RBFOX1: variants seen among roughly 807,000 people sequenced by gnomAD.
RBFOX1 encodes RNA binding protein fox-1 homolog 1.
RBFOX1 carries 8 observed loss-of-function variants against 57.7 expected under a neutral mutation model. That is an observed-to-expected ratio of 0.14 (90% CI 0.08 to 0.25). The LOEUF (loss-of-function observed/expected upper bound fraction) is 0.25. Ranked by LOEUF, RBFOX1 falls within the 10% of genes least tolerant of loss-of-function variation. The pLI, the probability that RBFOX1 is intolerant of heterozygous loss-of-function variation, is 1.00. For synonymous variants in RBFOX1, 326 were observed against 222.4 expected (o/e 1.47, Z -4.15); for missense variants, 611 against 548.5 (o/e 1.11, Z -1.14).
At chr16:6,353,494 G>A (rs965656668) in intron 2 of RBFOX1, among the ~76,000 whole-genome samples, 6 of 152,000 alleles carry the variant, frequency 3.9e-5, no homozygotes, top group Non-Finnish European at 8.8e-5. Context: ...CCTTTTAAGT[G>A]TAGGGCATGG....
At chr16:6,980,604 G>C (rs2088502832) in intron 3 of RBFOX1, among the ~76,000 whole-genome samples, 1 of 152,154 alleles carries the variant, frequency 6.6e-6, no homozygotes, top group African/African-American at 2.4e-5. Flanking sequence ...GGAGGTGGCA[G>C]GTTTTAGCTG....
At chr16:6,407,792 A>G (rs1396459501) in intron 2 of RBFOX1, among the ~76,000 whole-genome samples, 1 of 152,164 alleles carries the variant, frequency 6.6e-6, no homozygotes, top group Non-Finnish European at 1.5e-5. Context: ...CACAAAAGAA[A>G]TAAAACACTA....
intron 3 of RBFOX1, among the ~76,000 whole-genome samples, chr16:5,759,775 A>G (rs908403061): frequency 1.9e-4 from 27 of 145,734 alleles, no homozygotes; most frequent in African/African-American, 6.6e-4. Context: ...TGATCCTGTA[A>G]CAGTATTCCT....
At chr16:6,716,628 C>T (rs1361577253) in intron 3 of RBFOX1, among the ~76,000 whole-genome samples, 1 of 152,208 alleles carries the variant, frequency 6.6e-6, no homozygotes, top group Non-Finnish European at 1.5e-5. Context: ...AGGACTAACA[C>T]TCCCCTTGGA....
chr16:5,320,316 C>G (rs1306296392), intron 1 of RBFOX1, among the ~76,000 whole-genome samples: 1 of 152,134 alleles, frequency 6.6e-6, no homozygotes, highest in African/African-American at 2.4e-5. Flanking sequence ...TAACTCTAGA[C>G]AAAGGTGCAG....
intron 5 of RBFOX1, among the ~76,000 whole-genome samples, chr16:7,558,810 C>A (rs372023798): frequency 5.3e-5 from 8 of 152,240 alleles, no homozygotes; most frequent in East Asian, 1.9e-4. Context: ...TGCCATAAGC[C>A]TTTCTGAGAG....
At chr16:7,668,983 C>T (rs925591185) in intron 13 of RBFOX1, among the ~76,000 whole-genome samples, 7 of 152,202 alleles carry the variant, frequency 4.6e-5, no homozygotes, top group African/African-American at 1.4e-4. Flanking sequence ...AGCTCACTTG[C>T]AACCTCCGCT....
chr16:7,565,807 T>C (rs2091532808), intron 5 of RBFOX1, among the ~76,000 whole-genome samples: 1 of 152,012 alleles, frequency 6.6e-6, no homozygotes, highest in Middle Eastern at 3.2e-3. Flanking sequence ...GTTTTGTGCA[T>C]GGAGGGGAGG....
chr16:6,957,861 A>G (rs980430550), intron 3 of RBFOX1, among the ~76,000 whole-genome samples: 4 of 152,152 alleles, frequency 2.6e-5, no homozygotes, highest in African/African-American at 7.2e-5. Flanking sequence ...TCCTAGCGTG[A>G]CAGTTGCAGA....
At chr16:7,654,373 C>T (rs1435657425) in intron 12 of RBFOX1, among the ~76,000 whole-genome samples, 1 of 152,084 alleles carries the variant, frequency 6.6e-6, no homozygotes, top group Admixed American at 6.6e-5. Context: ...TGCTCGCCTC[C>T]CCAGGGATAT....
chr16:6,156,474 G>A (rs2096839289), intron 1 of RBFOX1, among the ~76,000 whole-genome samples: 1 of 152,172 alleles, frequency 6.6e-6, no homozygotes. Context: ...GCTCAGATGG[G>A]GCATGCCCTT....
intron 3 of RBFOX1, among the ~76,000 whole-genome samples, chr16:5,830,241 A>G (rs1427387957): frequency 6.6e-6 from 1 of 151,916 alleles, no homozygotes; most frequent in Non-Finnish European, 1.5e-5. Flanking sequence ...AACCCTCCCT[A>G]TCTAGTTGGT....
chr16:7,282,341 G>A (rs2095562055), intron 4 of RBFOX1, among the ~76,000 whole-genome samples: 1 of 152,124 alleles, frequency 6.6e-6, no homozygotes, highest in Admixed American at 6.5e-5. Context: ...TCATTGCAAG[G>A]CACAGGGTCT....
intron 4 of RBFOX1, among the ~76,000 whole-genome samples, chr16:7,469,053 C>G (rs1024611427): frequency 6.6e-6 from 1 of 152,068 alleles, no homozygotes; most frequent in Non-Finnish European, 1.5e-5. Context: ...CCTGCCTCAG[C>G]CTCCTGAGTA....
chr16:7,551,097 AAAAAAAAAG>A (rs1290839441), intron 5 of RBFOX1, among the ~76,000 whole-genome samples: 1 of 151,302 alleles, frequency 6.6e-6, no homozygotes, highest in East Asian at 1.9e-4. Flanking sequence ...TCAAAAAAAA[AAAAAAAAAG>A]AAAAAAAAAG....
intron 1 of RBFOX1, among the ~76,000 whole-genome samples, chr16:5,375,753 C>G (rs950063626): frequency 6.6e-6 from 1 of 152,170 alleles, no homozygotes; most frequent in African/African-American, 2.4e-5. Flanking sequence ...CCGGATTTGG[C>G]CTGCCAGCTG....
At chr16:5,993,215 A>G (rs145765600) in intron 4 of RBFOX1, among the ~76,000 whole-genome samples, 1 of 152,136 alleles carries the variant, frequency 6.6e-6, no homozygotes, top group South Asian at 2.1e-4. Context: ...GGTACCTCAG[A>G]GTAACTGTTA....
intron 3 of RBFOX1, among the ~76,000 whole-genome samples, chr16:5,703,416 C>T (rs1216167539): frequency 1.3e-5 from 2 of 152,134 alleles, no homozygotes; most frequent in Admixed American, 1.3e-4. Flanking sequence ...GGAGGGTCGG[C>T]AGGTGGGTAG....
chr16:6,232,686 G>T (rs1309970698), intron 1 of RBFOX1, among the ~76,000 whole-genome samples: 1 of 152,172 alleles, frequency 6.6e-6, no homozygotes, highest in Non-Finnish European at 1.5e-5. Flanking sequence ...ACCTATTTAA[G>T]GTCCGTGCTC....
Sources: allele counts gnomAD v4.1 joint callset (sites outside exome capture counted in the v4.1 genomes callset), GRCh38; gene constraint gnomAD v4.1.1; transcripts MANE v1.5; gene names NCBI Gene and HGNC (gene_info 2026-07-23, HGNC 2026-07-21).